The following SNX24 variants were observed in gnomAD, a reference collection of about 807,000 sequenced individuals.
SNX24 encodes the protein sorting nexin 24.
In SNX24, 22 loss-of-function variants were observed where a neutral mutation model predicts 28.7. The observed-to-expected ratio is 0.77, with a 90% CI of 0.55 to 1.10. The LOEUF (loss-of-function observed/expected upper bound fraction) is 1.10. Among genes scored for constraint, SNX24 ranks in the 50% least tolerant of loss-of-function variants. The pLI is 0.00. For missense variants in SNX24, 221 were observed against 201.1 expected, an observed-to-expected ratio of 1.10 and a Z score of -0.60; for synonymous variants, 69 against 71.5, an observed-to-expected ratio of 0.96 and a Z score of 0.18.
chr5:123,001,949 C>T lies in SNX24; in HGVS notation c.387C>T (p.Ser129=). Residue 129 remains serine, a synonymous_variant, in exon 6 of 7, where the codon TCC becomes TCT. Coordinates refer to ENST00000261369, the MANE Select transcript of SNX24 (RefSeq NM_014035.4). Reference sequence around the variant, plus strand: ...TTCTTGACCTTTCCAGCAAACTGTCCCACCAGCCTGTGCTGCTGTTCCTCA... The same window carrying T: ...TTCTTGACCTTTCCAGCAAACTGTCTCACCAGCCTGTGCTGCTGTTCCTCA... ...ETESEESSKL[S]HQPVLLFLRD... 1.2e-6 allele frequency: 2 copies of T among 1,614,118 alleles called. No individual in the cohort carries two copies. The highest frequency in any genetic ancestry group is 1.7e-6 in the Non-Finnish European group (2 of 1,179,978).
chr5:122,877,445 A>C (rs1756276100), intron 1 of SNX24, among the ~76,000 whole-genome samples: 1 of 152,236 alleles, frequency 6.6e-6, no homozygotes, highest in Non-Finnish European at 1.5e-5. Context: ...GTCCAGGATG[A>C]AGGTGTGGAC....
chr5:122,865,086 G>A (rs997367800), intron 1 of SNX24, among the ~76,000 whole-genome samples: 3 of 152,210 alleles, frequency 2.0e-5, no homozygotes, highest in Admixed American at 6.5e-5. Context: ...TGATGGCATT[G>A]TTTACTAAGG....
chr5:122,956,124 A>G (rs1760198226), intron 3 of SNX24, among the ~76,000 whole-genome samples: 1 of 151,980 alleles, frequency 6.6e-6, no homozygotes, highest in South Asian at 2.1e-4. Context: ...TCTGCGATAT[A>G]TAAGGCAAAA....
At chr5:123,002,725 C>A (rs536394208) in intron 6 of SNX24, among the ~76,000 whole-genome samples, 1 of 152,240 alleles carries the variant, frequency 6.6e-6, no homozygotes, top group African/African-American at 2.4e-5. Flanking sequence ...ATTTTAAATA[C>A]AATTAATTGA....
Position 122,937,678 on chromosome 5 carries a change from T to G in SNX24, c.144+861T>G, listed in dbSNP as rs550603648. ...CTTTTAAAGGGGAGCTCTAAGTTAT[T>G]GGTACACTTTTCTGTTAGGACGGCA... On this transcript the variant is annotated intron_variant, in intron 2 of 6. Transcript: ENST00000261369. 2.6e-5 allele frequency among the ~76,000 whole-genome samples: 4 copies of G among 152,270 alleles called. No individual in the cohort carries two copies. In the South Asian group the frequency reaches 8.3e-4, roughly 32 times the overall value.
intron 5 of SNX24, among the ~76,000 whole-genome samples, chr5:123,021,215 G>A (rs1341970949): frequency 6.6e-6 from 1 of 151,334 alleles, no homozygotes; most frequent in Non-Finnish European, 1.5e-5. Context: ...GCTCCCTGAT[G>A]TTGTGTTATA....
chr5:122,879,795 A>C (rs992468854), intron 1 of SNX24, among the ~76,000 whole-genome samples: 1 of 152,220 alleles, frequency 6.6e-6, no homozygotes, highest in Admixed American at 6.5e-5. Flanking sequence ...TGCTGAGATT[A>C]CAGGCATGAA....
chr5:122,899,498 TC>T (rs1757338444), intron 1 of SNX24, among the ~76,000 whole-genome samples: 1 of 152,146 alleles, frequency 6.6e-6, no homozygotes, highest in Non-Finnish European at 1.5e-5. Flanking sequence ...ATCCTCGAAT[TC>T]GCAGGCTCCA....
At chr5:122,848,682 C>T (rs1420892825) in intron 1 of SNX24, among the ~76,000 whole-genome samples, 12 of 151,462 alleles carry the variant, frequency 7.9e-5, no homozygotes, top group Non-Finnish European at 1.6e-4. Context: ...GCACTCCAGT[C>T]TAGGTGACAG....
intron 1 of SNX24, among the ~76,000 whole-genome samples, chr5:122,909,129 T>C (rs1410135992): frequency 6.6e-6 from 1 of 152,192 alleles, no homozygotes; most frequent in South Asian, 2.1e-4. Flanking sequence ...ATTGTTACAT[T>C]AACAAGGGAC....
chr5:122,970,846 C>T (rs984250151), intron 3 of SNX24, among the ~76,000 whole-genome samples: 3 of 152,154 alleles, frequency 2.0e-5, no homozygotes, highest in African/African-American at 7.2e-5. Context: ...GATTATAGAC[C>T]CTGTACCTGT....
chr5:123,027,176 A>G (rs1217351885), intron 5 of SNX24, among the ~76,000 whole-genome samples: 1 of 152,142 alleles, frequency 6.6e-6, no homozygotes, highest in Non-Finnish European at 1.5e-5. Context: ...CCTGGGTGAC[A>G]GAGTGAGACT....
intron 3 of SNX24, among the ~76,000 whole-genome samples, chr5:122,997,361 T>A (rs2150172335): frequency 6.6e-6 from 1 of 152,342 alleles, no homozygotes; most frequent in East Asian, 1.9e-4. Flanking sequence ...CAAAGTAAAT[T>A]CATGCAAATT....
intron 1 of SNX24, among the ~76,000 whole-genome samples, chr5:122,880,721 G>C (rs1756442594): frequency 6.6e-6 from 1 of 152,178 alleles, no homozygotes; most frequent in Non-Finnish European, 1.5e-5. Context: ...TAGAGATAAA[G>C]GGGGCAAAAT....
chr5:122,960,027 G>C (rs1210524841), intron 3 of SNX24, among the ~76,000 whole-genome samples: 1 of 152,030 alleles, frequency 6.6e-6, no homozygotes, highest in Non-Finnish European at 1.5e-5. Flanking sequence ...TCCCTACACG[G>C]GCTGTGTTTT....
intron 1 of SNX24, among the ~76,000 whole-genome samples, chr5:122,923,741 T>G (rs1465702588): frequency 6.6e-6 from 1 of 152,158 alleles, no homozygotes; most frequent in African/African-American, 2.4e-5. Flanking sequence ...AGAACACAGG[T>G]GAATCTTGGA....
At chr5:122,872,056 T>C (rs555226270) in intron 1 of SNX24, among the ~76,000 whole-genome samples, 1 of 151,492 alleles carries the variant, frequency 6.6e-6, no homozygotes, top group Non-Finnish European at 1.5e-5. Flanking sequence ...CTGATACTTC[T>C]AAAGACATTT....
chr5:122,854,450 G>A (rs1755076931), intron 1 of SNX24, among the ~76,000 whole-genome samples: 1 of 150,638 alleles, frequency 6.6e-6, no homozygotes, highest in South Asian at 2.1e-4. Context: ...GGAGCTTGCA[G>A]TGAGCTGAGA....
intron 1 of SNX24, among the ~76,000 whole-genome samples, chr5:122,922,230 G>GT (rs1194054791): frequency 1.3e-5 from 2 of 152,008 alleles, no homozygotes; most frequent in Admixed American, 6.6e-5. Flanking sequence ...TATCAGGCAG[G>GT]TTTTTTTGTT....
Sources: allele counts gnomAD v4.1 joint callset (sites outside exome capture counted in the v4.1 genomes callset), GRCh38; gene constraint gnomAD v4.1.1; transcripts MANE v1.5; gene names NCBI Gene and HGNC (gene_info 2026-07-23, HGNC 2026-07-21).